Variants in ZHX2 observed in about 807,000 individuals in gnomAD.
ZHX2 encodes the protein zinc fingers and homeoboxes protein 2.
ZHX2 carries 6 observed loss-of-function variants against 21.9 expected under a neutral mutation model. The observed-to-expected ratio is 0.27, with a 90% CI of 0.15 to 0.54. ZHX2 has a LOEUF of 0.54. Among genes scored for constraint, ZHX2 ranks in the 20% least tolerant of loss-of-function variants. The probability of loss-of-function intolerance (pLI) is 0.95; values close to 1 mark genes in which losing one functional copy is unlikely to be tolerated. For synonymous variants in ZHX2, 434 were observed against 437.1 expected (o/e 0.99, Z 0.09); for missense variants, 908 against 1,090.7 (o/e 0.83, Z 2.36).
intron 2 of ZHX2, among the ~76,000 whole-genome samples, chr8:122,889,007 G>A (rs567108432): frequency 6.6e-6 from 1 of 152,232 alleles, no homozygotes; most frequent in Admixed American, 6.5e-5. Flanking sequence ...ATCTTTCTGT[G>A]TCTGACTTAT....
In ZHX2 at chr8:122,956,005, C is replaced by T. The variant is rs866399031; in HGVS notation, c.*4+1977C>T. On this transcript the variant is annotated intron_variant, in intron 3 of 3. Coordinates refer to ENST00000314393, the MANE Select transcript of ZHX2 (RefSeq NM_014943.5). ...GATTACAGGCATGCGCCACCCCACC[C>T]GGCTAATTTTCATATTTTTAGTAGA... Among the ~76,000 whole-genome samples the T allele has an allele frequency of 9.2e-5, 14 of 152,152 alleles. No homozygotes were observed. The South Asian group carries it at 1.2e-3, about 14-fold the overall frequency.
At chr8:122,812,920 G>T (rs1817958316) in intron 1 of ZHX2, among the ~76,000 whole-genome samples, 1 of 152,198 alleles carries the variant, frequency 6.6e-6, no homozygotes, top group Admixed American at 6.5e-5. Flanking sequence ...ACTGGGCCAG[G>T]CGCAGTGGCT....
chr8:122,827,765 A>G (rs886149245), intron 1 of ZHX2, among the ~76,000 whole-genome samples: 2 of 151,992 alleles, frequency 1.3e-5, no homozygotes, highest in African/African-American at 4.8e-5. Context: ...AGTTGCAGTG[A>G]AAAAACCACA....
At chr8:122,902,814 C>T (rs549888651) in intron 2 of ZHX2, among the ~76,000 whole-genome samples, 1 of 152,286 alleles carries the variant, frequency 6.6e-6, no homozygotes, top group African/African-American at 2.4e-5. Context: ...GCCAACCAAC[C>T]AAACTCATAC....
intron 1 of ZHX2, among the ~76,000 whole-genome samples, chr8:122,792,210 T>C (rs1253616734): frequency 6.6e-6 from 1 of 152,232 alleles, no homozygotes; most frequent in Non-Finnish European, 1.5e-5. Context: ...GGTTTGCCTT[T>C]TCTGCACATT....
chr8:122,917,135 G>A (rs899809310), intron 2 of ZHX2, among the ~76,000 whole-genome samples: 6 of 152,082 alleles, frequency 3.9e-5, no homozygotes, highest in Non-Finnish European at 8.8e-5. Context: ...CCAGCCTTGG[G>A]CTCCAAGTTG....
At chr8:122,932,095 T>A (rs1160656296) in intron 2 of ZHX2, among the ~76,000 whole-genome samples, 2 of 152,146 alleles carry the variant, frequency 1.3e-5, no homozygotes, top group African/African-American at 4.8e-5. Flanking sequence ...TTGTGAATCT[T>A]ATGGGTCAGG....
At chr8:122,896,485 C>T (rs1820104391) in intron 2 of ZHX2, among the ~76,000 whole-genome samples, 1 of 152,192 alleles carries the variant, frequency 6.6e-6, no homozygotes, top group Non-Finnish European at 1.5e-5. Flanking sequence ...AAAATCTCTA[C>T]AGAAACACTG....
intron 2 of ZHX2, among the ~76,000 whole-genome samples, chr8:122,879,970 A>AT (rs1228881531): frequency 8.9e-6 from 1 of 112,568 alleles, no homozygotes; most frequent in East Asian, 3.0e-4. Flanking sequence ...TTCTATTGTT[A>AT]CCTTTTTTTT....
At chr8:122,832,759 G>T (rs1056895960) in intron 1 of ZHX2, among the ~76,000 whole-genome samples, 3 of 152,250 alleles carry the variant, frequency 2.0e-5, no homozygotes, top group Admixed American at 6.5e-5. Flanking sequence ...ATATGCGGTC[G>T]GTTGTGAGCC....
chr8:122,871,125 G>A (rs1272666767), intron 2 of ZHX2, among the ~76,000 whole-genome samples: 1 of 152,166 alleles, frequency 6.6e-6, no homozygotes, highest in East Asian at 1.9e-4. Flanking sequence ...AGTGCTAGCT[G>A]TGTAACCTTG....
At chr8:122,819,113 G>C (rs1818090475) in intron 1 of ZHX2, among the ~76,000 whole-genome samples, 1 of 152,242 alleles carries the variant, frequency 6.6e-6, no homozygotes. Flanking sequence ...TTGAAGGCCA[G>C]ATGGGAGGCC....
intron 1 of ZHX2, among the ~76,000 whole-genome samples, chr8:122,825,882 TC>T (rs1818254584): frequency 1.3e-5 from 2 of 152,112 alleles, no homozygotes; most frequent in Non-Finnish European, 2.9e-5. Flanking sequence ...AGCCATAAAT[TC>T]CCCTCTCCCC....
At chr8:122,934,654 A>ACCTTCCTTCCTTC (rs1563591784) in intron 2 of ZHX2, among the ~76,000 whole-genome samples, 1 of 150,750 alleles carries the variant, frequency 6.6e-6, no homozygotes, top group Non-Finnish European at 1.5e-5. Flanking sequence ...TTCCTTCTTT[A>ACCTTCCTTCCTTC]TTACCTTCCT....
At chr8:122,957,686 G>T (rs1813344116) in intron 3 of ZHX2, among the ~76,000 whole-genome samples, 1 of 152,084 alleles carries the variant, frequency 6.6e-6, no homozygotes, top group African/African-American at 2.4e-5. Flanking sequence ...GGCCATGCTG[G>T]TCTCAAACTC....
intron 1 of ZHX2, among the ~76,000 whole-genome samples, chr8:122,859,864 G>A (rs1479100168): frequency 6.6e-6 from 1 of 152,000 alleles, no homozygotes; most frequent in African/African-American, 2.4e-5. Context: ...GATATATATG[G>A]GTACCCAATG....
chr8:122,864,344 G>T (rs1270020723), intron 2 of ZHX2, among the ~76,000 whole-genome samples: 2 of 151,950 alleles, frequency 1.3e-5, no homozygotes, highest in African/African-American at 4.8e-5. Context: ...GCCACCAGAT[G>T]AAATGACCCT....
At chr8:122,904,502 G>A (rs1820301873) in intron 2 of ZHX2, among the ~76,000 whole-genome samples, 1 of 152,212 alleles carries the variant, frequency 6.6e-6, no homozygotes, top group Admixed American at 6.5e-5. Flanking sequence ...TCGTGTGGGA[G>A]CCGTAGCAAG....
chr8:122,786,093 A>T (rs944971655), intron 1 of ZHX2, among the ~76,000 whole-genome samples: 5 of 152,238 alleles, frequency 3.3e-5, no homozygotes, highest in African/African-American at 4.8e-5. Context: ...TCCTGTCAAT[A>T]AGAATCCAAA....
Sources: gnomAD v4.1 joint callset for allele counts (sites outside exome capture counted in the v4.1 genomes callset) on GRCh38, gnomAD v4.1.1 for gene constraint, MANE v1.5 for transcripts, NCBI Gene and HGNC (gene_info 2026-07-23, HGNC 2026-07-21) for gene names.